The following FLACC1 variants were observed in gnomAD, a reference collection of about 807,000 sequenced individuals.
FLACC1 encodes flagellum associated containing coiled-coil domains 1, also known as flagellum-associated coiled-coil domain-containing protein 1.
A neutral mutation model predicts 62.8 loss-of-function variants in FLACC1; 66 were observed. The observed-to-expected ratio is 1.05, with a 90% confidence interval of 0.86 to 1.29. The LOEUF is 1.29. Among genes scored for constraint, FLACC1 ranks in the 50% most tolerant of loss-of-function variants. The probability of loss-of-function intolerance (pLI) is 0.00; values close to 1 mark genes in which losing one functional copy is unlikely to be tolerated. For synonymous variants in FLACC1, 156 were observed against 161.0 expected (o/e 0.97, Z 0.24); for missense variants, 452 against 489.1 (o/e 0.92, Z 0.71).
At chr2:201,332,994 G>A (rs915359508) in intron 7 of FLACC1, among the ~76,000 whole-genome samples, 1 of 152,164 alleles carries the variant, frequency 6.6e-6, no homozygotes, top group Non-Finnish European at 1.5e-5. Flanking sequence ...TAACTTGGAT[G>A]TTGTTAATAG....
chr2:201,337,874 C>T (rs576299857), intron 7 of FLACC1, among the ~76,000 whole-genome samples: 18 of 152,136 alleles, frequency 1.2e-4, no homozygotes, highest in African/African-American at 3.6e-4. Flanking sequence ...TTTTTTTTCC[C>T]CACAGGATTG....
Position 201,289,856 on chromosome 2 carries a change from T to C in FLACC1, c.943-71A>G, listed in dbSNP as rs1949692167. 8 of 1,610,756 alleles carry C rather than the reference T, an allele frequency of 5.0e-6. No individual in the cohort carries two copies. In the East Asian group the frequency reaches 1.8e-4, roughly 36 times the overall value. ...TATTTGGTCTCTTCTCCAGGGCACC[T>C]GGACTATGATGAAAGGGAGCAACCT... On this transcript the variant is annotated intron_variant, in intron 12 of 14. Transcript: ENST00000392257.
intron 7 of FLACC1, among the ~76,000 whole-genome samples, chr2:201,338,974 G>C (rs1950750246): frequency 1.3e-5 from 2 of 152,150 alleles, no homozygotes; most frequent in South Asian, 4.1e-4. Flanking sequence ...TTTTTGAATA[G>C]TTTAAGGAGG....
intron 11 of FLACC1, among the ~76,000 whole-genome samples, chr2:201,300,433 A>T (rs561175800): frequency 3.2e-4 from 48 of 152,264 alleles, no homozygotes; most frequent in Non-Finnish European, 4.1e-4. Flanking sequence ...GGAAAGCTCG[A>T]ATTGGGTGGA....
intron 11 of FLACC1, among the ~76,000 whole-genome samples, chr2:201,304,692 G>T (rs1014389445): frequency 5.3e-5 from 8 of 152,110 alleles, no homozygotes; most frequent in Non-Finnish European, 8.8e-5. Flanking sequence ...ATACTACAAG[G>T]CTACAGTAAC....
intron 9 of FLACC1, among the ~76,000 whole-genome samples, chr2:201,329,715 C>T (rs1049266424): frequency 6.6e-6 from 1 of 152,120 alleles, no homozygotes; most frequent in African/African-American, 2.4e-5. Context: ...GCCACGTGTT[C>T]TTGTAGACAC....
chr2:201,292,926 G>A (rs1356122748), intron 12 of FLACC1, among the ~76,000 whole-genome samples: 1 of 152,118 alleles, frequency 6.6e-6, no homozygotes, highest in African/African-American at 2.4e-5. Context: ...AGACAAAGAA[G>A]GCCATTATAT....
chr2:201,302,746 G>A (rs927325294), intron 11 of FLACC1, among the ~76,000 whole-genome samples: 1 of 152,178 alleles, frequency 6.6e-6, no homozygotes, highest in Non-Finnish European at 1.5e-5. Context: ...AGACCACAGT[G>A]CAATCAAACT....
chr2:201,340,288 TTTG>T (rs1340519882), intron 7 of FLACC1, among the ~76,000 whole-genome samples: 1 of 152,206 alleles, frequency 6.6e-6, no homozygotes, highest in East Asian at 1.9e-4. Context: ...TAATTTTTGT[TTTG>T]TTGTTTTGTA....
At chr2:201,319,334 AC>A (rs1317145479) in intron 9 of FLACC1, among the ~76,000 whole-genome samples, 4 of 152,240 alleles carry the variant, frequency 2.6e-5, no homozygotes, top group African/African-American at 9.6e-5. Context: ...CTGGGCCCCT[AC>A]CTTTCACCAT....
intron 9 of FLACC1, among the ~76,000 whole-genome samples, chr2:201,327,444 G>A (rs2125589077): frequency 6.6e-6 from 1 of 151,692 alleles, no homozygotes; most frequent in Non-Finnish European, 1.5e-5. Context: ...AAATCTACAA[G>A]GAATTCAAAC....
At chr2:201,302,711 C>T (rs983725347) in intron 11 of FLACC1, among the ~76,000 whole-genome samples, 2 of 152,142 alleles carry the variant, frequency 1.3e-5, no homozygotes, top group Non-Finnish European at 2.9e-5. Flanking sequence ...TGTAAAAGAA[C>T]AGAAATCACA....
chr2:201,355,481 T>C (rs1342732522), intron 1 of FLACC1, among the ~76,000 whole-genome samples: 2 of 152,062 alleles, frequency 1.3e-5, no homozygotes, highest in South Asian at 2.1e-4. Context: ...TCAATGATCT[T>C]TGATGAATGT....
chr2:201,306,160 A>T (rs1308234854), intron 11 of FLACC1, among the ~76,000 whole-genome samples: 1 of 152,034 alleles, frequency 6.6e-6, no homozygotes, highest in African/African-American at 2.4e-5. Flanking sequence ...ATGGCTGGGG[A>T]GGCCTCAGGA....
Position 201,344,404 on chromosome 2 carries a change from G to C in FLACC1, c.369-141C>G, listed in dbSNP as rs1221993019. 4.2e-6 allele frequency: 3 copies of C among 707,802 alleles called. No homozygotes were observed. The South Asian group carries it at 4.8e-5, about 11-fold the overall frequency. The allele number at this position is 707,802 out of a possible 1,614,324, so 43.8% of individuals were successfully genotyped here. The stretch of plus-strand genomic sequence containing the variant: ...GTTCTGCACCTGCTCTATCATTATG[G>C]GGTGGGGGTGGAGGGATAGGGGTGG... On this transcript the variant is annotated intron_variant, in intron 5 of 14. Transcript: ENST00000392257.
chr2:201,308,153 C>T (rs914385650), intron 10 of FLACC1, among the ~76,000 whole-genome samples: 2 of 152,152 alleles, frequency 1.3e-5, no homozygotes, highest in Non-Finnish European at 2.9e-5. Flanking sequence ...AGTCTCTGGT[C>T]TGACAGCGTA....
chr2:201,309,925 A>AGAAG (rs1553611895), intron 9 of FLACC1, among the ~76,000 whole-genome samples: 5,779 of 97,598 alleles, frequency 0.059, 247 homozygotes, highest in South Asian at 0.17. Context: ...AAAAAAAAAA[A>AGAAG]AAGAAGAAGA....
At chr2:201,360,912 T>C (rs1262151576), upstream of FLACC1, among the ~76,000 whole-genome samples, 1 of 152,124 alleles carries the variant, frequency 6.6e-6, no homozygotes, top group African/African-American at 2.4e-5. Context: ...ACCCCGTCTC[T>C]ACTAAAAATA....
intron 1 of FLACC1, among the ~76,000 whole-genome samples, chr2:201,354,399 A>G (rs1951081312): frequency 6.6e-6 from 1 of 152,154 alleles, no homozygotes; most frequent in Non-Finnish European, 1.5e-5. Flanking sequence ...GCTGGGCCAG[A>G]GGCCTGGGAC....
Sources: gnomAD v4.1 joint callset for allele counts (sites outside exome capture counted in the v4.1 genomes callset) on GRCh38, gnomAD v4.1.1 for gene constraint, MANE v1.5 for transcripts, NCBI Gene and HGNC (gene_info 2026-07-23, HGNC 2026-07-21) for gene names.